ELFN1: variants seen among roughly 807,000 people sequenced by gnomAD.
The protein encoded by ELFN1 is protein ELFN1.
A neutral mutation model predicts 7.6 loss-of-function variants in ELFN1; 6 were observed. The observed-to-expected ratio is 0.79, with a 90% confidence interval of 0.43 to 1.56. ELFN1 has a LOEUF of 1.56. Among genes scored for constraint, ELFN1 ranks in the 40% most tolerant of loss-of-function variants. The pLI, the probability that ELFN1 is intolerant of heterozygous loss-of-function variation, is 0.01. For synonymous variants in ELFN1, 657 were observed against 588.1 expected, an observed-to-expected ratio of 1.12 and a Z score of -1.70; for missense variants, 1,169 against 1,232.2, an observed-to-expected ratio of 0.95 and a Z score of 0.77.
chr7:1,745,860 A>G lies in ELFN1; in HGVS notation c.1264A>G (p.Ile422Val), dbSNP rs1205440393. Residue 422 changes from isoleucine (I) to valine (V), a missense_variant, in exon 4 of 4, where the codon ATC (isoleucine) becomes GTC (valine). Ile to Val is a conservative substitution (Grantham distance 29, BLOSUM62 3). Around this residue, in one of 2 missense-constraint regions of ELFN1, gnomAD observed 914 missense variants for 872.6 expected, o/e 1.05. Transcript: ENST00000424383. ...PSTATHYIMT[I>V]LGCLFGMVLV... ...CACGGCCACCCACTACATCATGACCATCCTGGGCTGCCTCTTCGGCATGGT... is the reference window on the plus strand; with the variant it reads ...CACGGCCACCCACTACATCATGACCGTCCTGGGCTGCCTCTTCGGCATGGT... 5 of 1,591,546 alleles carry G rather than the reference A, an allele frequency of 3.1e-6. No homozygotes were observed. The highest frequency in any genetic ancestry group is 4.3e-6 in the Non-Finnish European group (5 of 1,170,498).
intron 2 of ELFN1, among the ~76,000 whole-genome samples, chr7:1,689,927 C>G (rs1231261707): frequency 6.6e-6 from 1 of 152,142 alleles, no homozygotes; most frequent in African/African-American, 2.4e-5. Context: ...GAATGGGAAC[C>G]CCTTGAGCCC....
intron 3 of ELFN1, among the ~76,000 whole-genome samples, chr7:1,715,882 G>C (rs1779816366): frequency 6.6e-6 from 1 of 152,156 alleles, no homozygotes; most frequent in African/African-American, 2.4e-5. Flanking sequence ...TTCAGCCTGA[G>C]CTCTGGCCTC....
At position 1,701,377 on chromosome 7, in the gene ELFN1, C is replaced by T. The variant is rs374545172; in HGVS notation, c.-455-7714C>T. On this transcript the variant is annotated intron_variant, in intron 2 of 3. Transcript: ENST00000424383. ...ATTTTTTACACAAATTTTGTAGACA[C>T]GGTGTCTTCTTTTGTTGCCCAGGCT... 2.2e-4 allele frequency among the ~76,000 whole-genome samples: 34 copies of T among 152,220 alleles called. No individual in the cohort carries two copies. The South Asian group carries it at 3.7e-3, about 17-fold the overall frequency.
upstream of ELFN1, among the ~76,000 whole-genome samples, chr7:1,667,130 C>G (rs930799448): frequency 3.3e-5 from 5 of 151,892 alleles, no homozygotes; most frequent in Non-Finnish European, 7.4e-5. This position sits in a 1 kb window ranked among gnomAD's most constrained non-coding sequence, Gnocchi z 8.2. Flanking sequence ...GGTGTCGGCC[C>G]CCCCCCGAAC....
At chr7:1,736,541 C>T (rs965553268) in intron 3 of ELFN1, among the ~76,000 whole-genome samples, 13 of 152,334 alleles carry the variant, frequency 8.5e-5, no homozygotes, top group South Asian at 6.2e-4. Context: ...ACACAGGCCG[C>T]GGAAGGAACT....
chr7:1,690,744 A>AATGGATAGGTGGGTGGGTGG lies in ELFN1; in HGVS notation c.-456+2601_-456+2620dup, dbSNP rs1432187119. The stretch of plus-strand genomic sequence containing the variant: ...GGATGGGCGGGTGTGTGAATTGATG[A>AATGGATAGGTGGGTGGGTGG]ATGGATAGGTGGGTGGGTGGATGGA... On this transcript the variant is annotated intron_variant, in intron 2 of 3. Transcript: ENST00000424383. 7.8e-5 allele frequency among the ~76,000 whole-genome samples: 11 copies of AATGGATAGGTGGGTGGGTGG among 140,668 alleles called. No individual in the cohort carries two copies. The East Asian group carries it at 2.1e-3, about 26-fold the overall frequency. 92.3% of individuals were successfully genotyped at this position (140,668 alleles called of 152,430 possible).
chr7:1,712,488 A>G (rs1038611751), intron 3 of ELFN1, among the ~76,000 whole-genome samples: 1 of 150,008 alleles, frequency 6.7e-6, no homozygotes, highest in African/African-American at 2.5e-5. Flanking sequence ...CTGGAGTGCA[A>G]TGGTGCAATC....
At chr7:1,679,128 TACACACACACGCGTGCGCGC>T (rs755717855) in intron 1 of ELFN1, among the ~76,000 whole-genome samples, 7 of 151,492 alleles carry the variant, frequency 4.6e-5, no homozygotes, top group Admixed American at 1.3e-4. Context: ...ACCCCCCACA[TACACACACACGCGTGCGCGC>T]ACACACACAC....
chr7:1,715,608 C>G (rs942693557), intron 3 of ELFN1, among the ~76,000 whole-genome samples: 4 of 152,256 alleles, frequency 2.6e-5, no homozygotes, highest in Non-Finnish European at 5.9e-5. Flanking sequence ...GCAGGCCAGG[C>G]TGCAGGGATC....
chr7:1,725,854 T>A (rs1310661245), intron 3 of ELFN1, among the ~76,000 whole-genome samples: 1 of 151,690 alleles, frequency 6.6e-6, no homozygotes, highest in African/African-American at 2.4e-5. Context: ...ACACTCAAAA[T>A]AACACACAGT....
At chr7:1,679,977 C>T (rs1328023552) in intron 1 of ELFN1, among the ~76,000 whole-genome samples, 1 of 152,218 alleles carries the variant, frequency 6.6e-6, no homozygotes, top group Admixed American at 6.5e-5. Context: ...GCGCGTGTGC[C>T]CCTGAGCGCT....
At chr7:1,693,035 G>T (rs935342549) in intron 2 of ELFN1, 10 of 283,950 alleles carry the variant, frequency 3.5e-5, no homozygotes, top group Non-Finnish European at 5.7e-5. Context: ...TAAAATGGGC[G>T]CAGGTCAGCC....
intron 1 of ELFN1, among the ~76,000 whole-genome samples, chr7:1,676,906 T>G (rs1778881661): frequency 6.6e-6 from 1 of 152,172 alleles, no homozygotes; most frequent in Non-Finnish European, 1.5e-5. Flanking sequence ...GAGACAAGGC[T>G]GGCTTTAAAG....
At chr7:1,729,229 G>T (rs1420657862) in intron 3 of ELFN1, among the ~76,000 whole-genome samples, 1 of 152,184 alleles carries the variant, frequency 6.6e-6, no homozygotes, top group African/African-American at 2.4e-5. Context: ...GGAGGCCTGG[G>T]GCTCCCCACC....
At chr7:1,707,445 C>T (rs911898549) in intron 2 of ELFN1, among the ~76,000 whole-genome samples, 1 of 152,194 alleles carries the variant, frequency 6.6e-6, no homozygotes, top group Admixed American at 6.5e-5. Flanking sequence ...AAACGCCCTG[C>T]ATCGCAGCAT....
chr7:1,739,152 G>C lies in ELFN1; in HGVS notation c.-293-5152G>C, dbSNP rs966436880. 5 of 152,174 alleles carry C rather than the reference G, an allele frequency of 3.3e-5. No homozygotes were observed. The East Asian group carries it at 9.7e-4, about 30-fold the overall frequency. The allele number at this position is 152,174 out of a possible 1,614,324, so 9.4% of individuals were successfully genotyped here. A position where few individuals can be genotyped will look rare whatever the true frequency, so the allele number is the denominator to read the frequency against. On this transcript the variant is annotated intron_variant, in intron 3 of 3. Transcript: ENST00000424383. The surrounding 1 kb of genome is among the most constrained non-coding windows in gnomAD (Gnocchi z 4.6). ...CGCGTGGAGGACTGGACGCCCTCAG[G>C]GCTGCGCGGGGCCGCAGGACCGCCT...
rs1017175720 is a variant in ELFN1 at position 1,735,591 on chromosome 7, G to A, written c.-293-8713G>A. Among the ~76,000 whole-genome samples the A allele has an allele frequency of 2.0e-5, 3 of 152,156 alleles. No individual in the cohort carries two copies. Among genetic ancestry groups the A allele is most frequent in the Non-Finnish European group, 4.4e-5 (3 of 68,008 alleles). ...TCCCCTGGACAATAGGATGGGAGCA[G>A]GGAGCGGAAGAGAGGACTGGGTCTG... On this transcript the variant is annotated intron_variant, in intron 3 of 3. Transcript: ENST00000424383. This position sits in a 1 kb window ranked among gnomAD's most constrained non-coding sequence, Gnocchi z 5.9.
In ELFN1 at chr7:1,670,880, C is replaced by T. The variant is rs149818649; in HGVS notation, c.-549+526C>T. Among the ~76,000 whole-genome samples the T allele has an allele frequency of 5.1e-3, 725 of 141,484 alleles. 1 individual carries two copies. Among genetic ancestry groups the T allele is most frequent in the Admixed American group, 8.3e-3 (120 of 14,442 alleles). 92.8% of individuals were successfully genotyped at this position (141,484 alleles called of 152,430 possible). On this transcript the variant is annotated intron_variant, in intron 1 of 3. Transcript: ENST00000424383. The surrounding 1 kb of genome is among the most constrained non-coding windows in gnomAD (Gnocchi z 6.4). ...CGCGCGGGGACCGTCCAGTCACGCA[C>T]GGGGAGGGGTCACATTCCTCGGTCC...
At chr7:1,676,117 A>AGAT (rs2128574521) in intron 1 of ELFN1, among the ~76,000 whole-genome samples, 1 of 152,214 alleles carries the variant, frequency 6.6e-6, no homozygotes, top group South Asian at 2.1e-4. Flanking sequence ...ATCCCAAGGG[A>AGAT]GATGGCATTA....
Sources: gnomAD v4.1 joint callset for allele counts (sites outside exome capture counted in the v4.1 genomes callset) on GRCh38, gnomAD v4.1.1 for gene constraint, gnomAD v4.1.1 regional missense constraint, Gnocchi (gnomAD v3.1) non-coding constraint, MANE v1.5 for transcripts, NCBI Gene and HGNC (gene_info 2026-07-23, HGNC 2026-07-21) for gene names.